Variants in RNF180 observed in about 807,000 individuals in gnomAD.
RNF180 encodes the protein ring finger protein 180, also known as E3 ubiquitin-protein ligase RNF180.
RNF180 carries 38 observed loss-of-function variants against 59.2 expected under a neutral mutation model. The observed-to-expected ratio is 0.64, with a 90% CI of 0.50 to 0.84. RNF180 has a LOEUF of 0.84. Among genes scored for constraint, RNF180 ranks in the 40% least tolerant of loss-of-function variants. The pLI, the probability that RNF180 is intolerant of heterozygous loss-of-function variation, is 0.00. For missense variants in RNF180, 705 were observed against 700.9 expected (o/e 1.01, Z -0.07); for synonymous variants, 262 against 240.3 (o/e 1.09, Z -0.84).
chr5:64,237,282 T>G (rs1742500237), intron 5 of RNF180, among the ~76,000 whole-genome samples: 1 of 152,024 alleles, frequency 6.6e-6, no homozygotes, highest in Non-Finnish European at 1.5e-5. Flanking sequence ...AGACCTGGAG[T>G]CAAAGGAGAT....
At chr5:64,239,319 G>A (rs1742650448) in intron 5 of RNF180, among the ~76,000 whole-genome samples, 1 of 152,092 alleles carries the variant, frequency 6.6e-6, no homozygotes, top group Non-Finnish European at 1.5e-5. Flanking sequence ...TGACTCATAT[G>A]CTCTTTAATG....
At chr5:64,224,677 A>T (rs564186958) in intron 5 of RNF180, among the ~76,000 whole-genome samples, 1 of 152,234 alleles carries the variant, frequency 6.6e-6, no homozygotes, top group South Asian at 2.1e-4. Flanking sequence ...ACTGGGGGGA[A>T]ATGTCAGTTG....
intron 6 of RNF180, among the ~76,000 whole-genome samples, chr5:64,329,929 C>G (rs1744825861): frequency 6.6e-6 from 1 of 152,192 alleles, no homozygotes; most frequent in African/African-American, 2.4e-5. Flanking sequence ...CCATGGACTG[C>G]TACCCATTTG....
chr5:64,365,318 G>A (rs1030709492), intron 7 of RNF180, among the ~76,000 whole-genome samples: 6 of 151,544 alleles, frequency 4.0e-5, no homozygotes, highest in Admixed American at 6.6e-5. Context: ...ATATAGTTTT[G>A]GGACCTCTTC....
At chr5:64,229,691 A>G (rs969884312) in intron 5 of RNF180, among the ~76,000 whole-genome samples, 8 of 152,210 alleles carry the variant, frequency 5.3e-5, no homozygotes, top group African/African-American at 1.9e-4. Flanking sequence ...GGTTAGACAC[A>G]TCGTTTATTC....
chr5:64,219,762 G>A (rs1038076323), intron 5 of RNF180, among the ~76,000 whole-genome samples: 1 of 151,442 alleles, frequency 6.6e-6, no homozygotes, highest in Non-Finnish European at 1.5e-5. Flanking sequence ...CTCATGATCC[G>A]CCTGCCTCAG....
chr5:64,203,009 ACTT>A (rs937147222), intron 2 of RNF180, among the ~76,000 whole-genome samples: 3 of 152,220 alleles, frequency 2.0e-5, no homozygotes, highest in African/African-American at 4.8e-5. Flanking sequence ...ATATGATGTC[ACTT>A]CTTCTCACTG....
At chr5:64,240,926 T>C (rs1188649694) in intron 5 of RNF180, among the ~76,000 whole-genome samples, 3 of 152,250 alleles carry the variant, frequency 2.0e-5, no homozygotes, top group African/African-American at 7.2e-5. Flanking sequence ...TGCCACCTAA[T>C]ACATATTTTA....
intron 7 of RNF180, among the ~76,000 whole-genome samples, chr5:64,356,281 G>A (rs767360451): frequency 1.3e-5 from 2 of 151,648 alleles, no homozygotes; most frequent in Non-Finnish European, 2.9e-5. Flanking sequence ...TAAATGTGGT[G>A]TAAGGGACAG....
chr5:64,281,789 C>G (rs1166160456), intron 5 of RNF180, among the ~76,000 whole-genome samples: 1 of 152,112 alleles, frequency 6.6e-6, no homozygotes, highest in Non-Finnish European at 1.5e-5. Context: ...AGCCACCGTG[C>G]CTCGCTGAGG....
At chr5:64,354,921 T>C (rs1379148961) in intron 7 of RNF180, among the ~76,000 whole-genome samples, 1 of 151,862 alleles carries the variant, frequency 6.6e-6, no homozygotes, top group Non-Finnish European at 1.5e-5. Flanking sequence ...AGAAGACTGC[T>C]TCAACATGAC....
chr5:64,268,972 T>A (rs1378485911), intron 5 of RNF180, among the ~76,000 whole-genome samples: 2 of 145,730 alleles, frequency 1.4e-5, no homozygotes, highest in Non-Finnish European at 3.0e-5. Context: ...TTACTTCTAA[T>A]GTCTCTACCT....
intron 1 of RNF180, among the ~76,000 whole-genome samples, chr5:64,172,494 A>G (rs1364942082): frequency 6.6e-6 from 1 of 152,190 alleles, no homozygotes; most frequent in East Asian, 1.9e-4. Flanking sequence ...TAACTCTACT[A>G]ACATATTAAG....
intron 5 of RNF180, among the ~76,000 whole-genome samples, chr5:64,250,068 C>A (rs1453941038): frequency 1.3e-5 from 2 of 152,148 alleles, no homozygotes; most frequent in Non-Finnish European, 2.9e-5. Context: ...TGTTAGGCCA[C>A]ACAACAAGTC....
intron 5 of RNF180, among the ~76,000 whole-genome samples, chr5:64,270,303 T>C (rs7720768): frequency 0.45 from 67,994 of 151,978 alleles, 16,569 homozygotes; most frequent in African/African-American, 0.65. Flanking sequence ...CTATATCCTT[T>C]TATCTTCAAT....
At chr5:64,341,801 T>G in intron 7 of RNF180, among the ~76,000 whole-genome samples, 1 of 152,060 alleles carries the variant, frequency 6.6e-6, no homozygotes, top group East Asian at 1.9e-4. Context: ...TGGCTGCAGG[T>G]TATTCTTGAT....
At chr5:64,234,878 C>T (rs1339761979) in intron 5 of RNF180, among the ~76,000 whole-genome samples, 6 of 152,114 alleles carry the variant, frequency 3.9e-5, no homozygotes, top group Admixed American at 2.6e-4. Context: ...GGATTACAGG[C>T]GTGAGCCACT....
chr5:64,201,605 C>A (rs1416144550), intron 2 of RNF180, among the ~76,000 whole-genome samples: 4 of 152,178 alleles, frequency 2.6e-5, no homozygotes, highest in Non-Finnish European at 5.9e-5. Context: ...GGGAGACATA[C>A]TCAGCTTTTT....
chr5:64,232,508 T>C (rs1224506155), intron 5 of RNF180, among the ~76,000 whole-genome samples: 2 of 152,192 alleles, frequency 1.3e-5, no homozygotes, highest in Non-Finnish European at 1.5e-5. Context: ...TTAATCCAAG[T>C]GTGTAGCCAG....
Sources: gnomAD v4.1 joint callset for allele counts (sites outside exome capture counted in the v4.1 genomes callset) on GRCh38, gnomAD v4.1.1 for gene constraint, MANE v1.5 for transcripts, NCBI Gene and HGNC (gene_info 2026-07-23, HGNC 2026-07-21) for gene names.